The following SIPA1L1 variants were observed in gnomAD, a reference collection of about 807,000 sequenced individuals.
SIPA1L1 encodes the protein signal-induced proliferation-associated 1-like protein 1.
SIPA1L1 carries 26 observed loss-of-function variants against 162.7 expected under a neutral mutation model. That is an observed-to-expected ratio of 0.16 (90% confidence interval 0.12 to 0.22). The LOEUF is 0.22. Among genes scored for constraint, SIPA1L1 ranks in the 10% least tolerant of loss-of-function variants. The pLI is 1.00. For missense variants in SIPA1L1, 1,874 were observed against 2,241.0 expected, an observed-to-expected ratio of 0.84 and a Z score of 3.31; for synonymous variants, 829 against 837.4, an observed-to-expected ratio of 0.99 and a Z score of 0.17.
intron 13 of SIPA1L1, among the ~76,000 whole-genome samples, chr14:71,696,333 A>G (rs2081626070): frequency 6.6e-6 from 1 of 152,244 alleles, no homozygotes; most frequent in Admixed American, 6.5e-5. Flanking sequence ...CACACTAGTT[A>G]GAACAGGCAT....
In SIPA1L1 at chr14:71,328,636, C is replaced by A. The variant is rs117212923; in HGVS notation, c.-465+7455C>A. Among the ~76,000 whole-genome samples the A allele has an allele frequency of 4.3e-4, 65 of 152,160 alleles. 1 individual carries two copies. The East Asian group carries it at 0.012, about 28-fold the overall frequency. On this transcript the variant is annotated intron_variant, in intron 2 of 23. Transcript: ENST00000381232. ...AGAGCCTCTGGATCTTTTGTAGAGGCCCATTGATTCAAAAAGATAACTTGG... is the reference window on the plus strand; with the variant it reads ...AGAGCCTCTGGATCTTTTGTAGAGGACCATTGATTCAAAAAGATAACTTGG...
rs183580595 is a variant in SIPA1L1, at chr14:71,352,109, T to A, written c.-465+30928T>A. ...GGCCTCATTGAAAAGGTGATTTTTTTAAAAACATACTTTATATTGTAGTGT... is the reference window on the plus strand; with the variant it reads ...GGCCTCATTGAAAAGGTGATTTTTTAAAAAACATACTTTATATTGTAGTGT... On this transcript the variant is annotated intron_variant, in intron 2 of 23. Coordinates refer to ENST00000381232, the MANE Select transcript of SIPA1L1 (RefSeq NM_001386936.1). 3.5e-3 allele frequency among the ~76,000 whole-genome samples: 535 copies of A among 152,124 alleles called. 11 individuals carry two copies. Among genetic ancestry groups the A allele is most frequent in the Admixed American group, 0.032 (484 of 15,262 alleles).
intron 5 of SIPA1L1, among the ~76,000 whole-genome samples, chr14:71,614,539 G>A (rs866284977): frequency 6.6e-6 from 1 of 152,152 alleles, no homozygotes; most frequent in Non-Finnish European, 1.5e-5. Context: ...CAATGGAACC[G>A]ATACTGATGA....
At chr14:71,732,054 C>G (rs1003056550) in intron 20 of SIPA1L1, among the ~76,000 whole-genome samples, 1 of 152,148 alleles carries the variant, frequency 6.6e-6, no homozygotes, top group Non-Finnish European at 1.5e-5. Flanking sequence ...TCCTACTTAC[C>G]CTTGGTAGGA....
chr14:71,716,246 G>C lies in SIPA1L1; in HGVS notation c.4208+6582G>C, dbSNP rs111237089. On this transcript the variant is annotated intron_variant, in intron 17 of 23. Transcript: ENST00000381232. ...TGGCTAGTGCTGAACACAGTGGGAGGAGTCCTCCTTAATCATTATCCTCCA... is the reference window on the plus strand; with the variant it reads ...TGGCTAGTGCTGAACACAGTGGGAGCAGTCCTCCTTAATCATTATCCTCCA... 3.1e-3 allele frequency among the ~76,000 whole-genome samples: 476 copies of C among 152,298 alleles called. 4 individuals are homozygous for C. The highest frequency in any genetic ancestry group is 0.011 in the African/African-American group (449 of 41,558).
chr14:71,544,989 A>C (rs2055051150), intron 4 of SIPA1L1, among the ~76,000 whole-genome samples: 1 of 152,068 alleles, frequency 6.6e-6, no homozygotes, highest in Admixed American at 6.5e-5. Context: ...CAGCCTTCCA[A>C]GTGTCTAGGA....
At chr14:71,646,091 T>G (rs946242606) in intron 7 of SIPA1L1, among the ~76,000 whole-genome samples, 4 of 152,160 alleles carry the variant, frequency 2.6e-5, no homozygotes, top group African/African-American at 9.7e-5. Context: ...CTCTTTCTTC[T>G]GGTACAGGGC....
At chr14:71,446,894 G>GTTTTTTTTTTTTTTTTTTCTTTTTTTT (rs765106790) in intron 2 of SIPA1L1, among the ~76,000 whole-genome samples, 1 of 87,406 alleles carries the variant, frequency 1.1e-5, no homozygotes, top group African/African-American at 4.4e-5. Context: ...GATGGGCTCT[G>GTTTTTTTTTTTTTTTTTTCTTTTTTTT]TTTTTTTTTT....
At chr14:71,493,209 C>T (rs1330763228) in intron 2 of SIPA1L1, among the ~76,000 whole-genome samples, 3 of 152,134 alleles carry the variant, frequency 2.0e-5, no homozygotes, top group Non-Finnish European at 4.4e-5. Flanking sequence ...TTTCCTGCCT[C>T]AGCCTCCTGA....
chr14:71,642,275 G>A (rs1021933871), intron 7 of SIPA1L1, among the ~76,000 whole-genome samples: 26 of 152,140 alleles, frequency 1.7e-4, no homozygotes, highest in African/African-American at 6.0e-4. Context: ...ACAGGCAGGG[G>A]GTACCCAGTT....
intron 7 of SIPA1L1, among the ~76,000 whole-genome samples, chr14:71,639,244 A>C (rs1009131003): frequency 7.9e-5 from 12 of 152,222 alleles, no homozygotes; most frequent in Admixed American, 7.2e-4. Context: ...CTGTTTCTGC[A>C]AAAAAATTTT....
chr14:71,666,635 T>C (rs1354713886), intron 10 of SIPA1L1, among the ~76,000 whole-genome samples: 2 of 152,210 alleles, frequency 1.3e-5, no homozygotes, highest in Non-Finnish European at 2.9e-5. Flanking sequence ...AAATATGTGT[T>C]ACTCCTCTCA....
At chr14:71,653,646 C>G (rs8003478) in intron 8 of SIPA1L1, among the ~76,000 whole-genome samples, 127,286 of 152,178 alleles carry the variant, frequency 0.84, 53,851 homozygotes, top group African/African-American at 0.95. Flanking sequence ...GCTGCCTGTT[C>G]TCCAATGTCT....
chr14:71,552,491 A>G (rs1292634605), intron 4 of SIPA1L1, among the ~76,000 whole-genome samples: 2 of 150,846 alleles, frequency 1.3e-5, no homozygotes, highest in East Asian at 3.9e-4. Flanking sequence ...TCCCAGGTTC[A>G]CGACATTCTC....
intron 13 of SIPA1L1, among the ~76,000 whole-genome samples, chr14:71,688,605 A>AAAT (rs1163542810): frequency 3.3e-5 from 5 of 152,216 alleles, no homozygotes; most frequent in African/African-American, 7.2e-5. Context: ...TACTGAGAAC[A>AAAT]AATACCTTAT....
At chr14:71,650,634 G>C in intron 8 of SIPA1L1, 125 bp downstream of exon 8, 1 of 837,450 alleles carries the variant, frequency 1.2e-6, no homozygotes. Context: ...ATGGGGGAGA[G>C]AAAGCCAGAG....
chr14:71,367,221 T>G (rs1241579655), intron 2 of SIPA1L1, among the ~76,000 whole-genome samples: 1 of 152,094 alleles, frequency 6.6e-6, no homozygotes, highest in Non-Finnish European at 1.5e-5. Context: ...CTGTATACAT[T>G]TTTTCATATA....
chr14:71,428,387 T>C (rs1035534478), intron 2 of SIPA1L1, among the ~76,000 whole-genome samples: 2 of 151,936 alleles, frequency 1.3e-5, no homozygotes, highest in Admixed American at 1.3e-4. Flanking sequence ...TTTTCTTTTT[T>C]ACTGGTTTTA....
chr14:71,648,655 A>G (rs1268200110), intron 7 of SIPA1L1, among the ~76,000 whole-genome samples: 2 of 152,240 alleles, frequency 1.3e-5, no homozygotes, highest in Non-Finnish European at 2.9e-5. Context: ...TATGCAGGGG[A>G]AACATGAATA....
Sources: allele counts gnomAD v4.1 joint callset (sites outside exome capture counted in the v4.1 genomes callset), GRCh38; gene constraint gnomAD v4.1.1; transcripts MANE v1.5; gene names NCBI Gene and HGNC (gene_info 2026-07-23, HGNC 2026-07-21).